The following TBC1D1 variants were observed in gnomAD, a reference collection of about 807,000 sequenced individuals.
TBC1D1 encodes the protein TBC1 (tre-2/USP6, BUB2, cdc16) domain family, member 1.
A neutral mutation model predicts 125.6 loss-of-function variants in TBC1D1; 89 were observed. The ratio of observed to expected loss-of-function variants is 0.71; its 90% CI spans 0.60 to 0.85. TBC1D1 has a LOEUF of 0.85. Ranked by LOEUF, TBC1D1 falls within the 40% of genes least tolerant of loss-of-function variation. The pLI, the probability that TBC1D1 is intolerant of heterozygous loss-of-function variation, is 0.00. For missense variants in TBC1D1, 1,377 were observed against 1,469.2 expected (o/e 0.94, Z 1.03); for synonymous variants, 565 against 564.1 (o/e 1.00, Z -0.02).
At chr4:38,012,102 G>A (rs1741627943) in intron 2 of TBC1D1, among the ~76,000 whole-genome samples, 2 of 152,172 alleles carry the variant, frequency 1.3e-5, no homozygotes, top group African/African-American at 4.8e-5. Flanking sequence ...TTCAGAGTGG[G>A]GTTAGTAATT....
chr4:38,074,908 G>A (rs184317197), intron 12 of TBC1D1, among the ~76,000 whole-genome samples: 72 of 151,996 alleles, frequency 4.7e-4, no homozygotes, highest in Non-Finnish European at 1.6e-4. Flanking sequence ...TTGCAGGCAC[G>A]CGCCACCATA....
chr4:37,926,700 A>G (rs1157902307), intron 2 of TBC1D1, among the ~76,000 whole-genome samples: 1 of 152,226 alleles, frequency 6.6e-6, no homozygotes, highest in Non-Finnish European at 1.5e-5. Flanking sequence ...GGACGTGGAC[A>G]TCGGTCCTGC....
intron 8 of TBC1D1, among the ~76,000 whole-genome samples, chr4:38,043,560 G>C (rs1047301021): frequency 1.4e-5 from 2 of 147,546 alleles, no homozygotes; most frequent in Non-Finnish European, 3.0e-5. Flanking sequence ...TCCAGCCTGG[G>C]CAACAAAGTG....
intron 11 of TBC1D1, 110 bp downstream of exon 12, chr4:38,052,170 TG>T: frequency 7.7e-6 from 2 of 258,794 alleles, no homozygotes; most frequent in Non-Finnish European, 5.9e-6. Flanking sequence ...AGAGCCACTG[TG>T]TGTGTGTGTG....
intron 12 of TBC1D1, among the ~76,000 whole-genome samples, chr4:38,081,246 A>G (rs1756493899): frequency 2.6e-5 from 4 of 152,078 alleles, no homozygotes; most frequent in South Asian, 2.1e-4. Context: ...TCAGGGCGCC[A>G]TGGTGCTATA....
At chr4:38,111,292 C>T (rs1762160462) in intron 15 of TBC1D1, among the ~76,000 whole-genome samples, 1 of 152,210 alleles carries the variant, frequency 6.6e-6, no homozygotes, top group Non-Finnish European at 1.5e-5. Context: ...GTCGTGTTAG[C>T]CTAGAACAGC....
chr4:37,922,180 C>A (rs768204497), intron 2 of TBC1D1, among the ~76,000 whole-genome samples: 4 of 152,098 alleles, frequency 2.6e-5, no homozygotes, highest in African/African-American at 9.7e-5. Flanking sequence ...AATACTTTCA[C>A]GTATCACTTT....
intron 12 of TBC1D1, among the ~76,000 whole-genome samples, chr4:38,079,212 T>G (rs1317163163): frequency 6.6e-6 from 1 of 152,154 alleles, no homozygotes; most frequent in African/African-American, 2.4e-5. Flanking sequence ...ATTTTTCTGT[T>G]TATGTTAGGT....
intron 2 of TBC1D1, among the ~76,000 whole-genome samples, chr4:37,996,642 T>G (rs1197065104): frequency 6.6e-6 from 1 of 152,272 alleles, no homozygotes; most frequent in Non-Finnish European, 1.5e-5. Context: ...ATTTTAAAAT[T>G]GTAAATAATT....
chr4:38,094,005 G>A (rs1758892575), intron 13 of TBC1D1, among the ~76,000 whole-genome samples: 1 of 152,160 alleles, frequency 6.6e-6, no homozygotes, highest in African/African-American at 2.4e-5. Context: ...ATTAAATTTT[G>A]AATTACAGTT....
At chr4:38,116,781 C>T (rs1763056533) in intron 16 of TBC1D1, among the ~76,000 whole-genome samples, 1 of 152,208 alleles carries the variant, frequency 6.6e-6, no homozygotes, top group African/African-American at 2.4e-5. Flanking sequence ...AATGTTGCAG[C>T]ACATGTTGAT....
chr4:37,983,382 G>C (rs775598247), intron 2 of TBC1D1, among the ~76,000 whole-genome samples: 1 of 152,006 alleles, frequency 6.6e-6, no homozygotes, highest in Non-Finnish European at 1.5e-5. Context: ...CAAAGTGCTG[G>C]GATTATAGGC....
At chr4:38,128,049 G>GT (rs1764952889) in intron 18 of TBC1D1, among the ~76,000 whole-genome samples, 1 of 152,210 alleles carries the variant, frequency 6.6e-6, no homozygotes, top group African/African-American at 2.4e-5. Flanking sequence ...ACTGTGCAGC[G>GT]TGATGGGCTT....
intron 2 of TBC1D1, among the ~76,000 whole-genome samples, chr4:37,955,095 C>G (rs1017376801): frequency 6.6e-6 from 1 of 152,076 alleles, no homozygotes. Context: ...GTAGAACTAT[C>G]TCATCTTTCT....
At chr4:37,958,937 T>C (rs1729431618) in intron 2 of TBC1D1, among the ~76,000 whole-genome samples, 1 of 152,306 alleles carries the variant, frequency 6.6e-6, no homozygotes, top group Non-Finnish European at 1.5e-5. Flanking sequence ...TGGCACATCA[T>C]ATATTTACAT....
chr4:38,054,004 A>T (rs1294892143), intron 11 of TBC1D1, among the ~76,000 whole-genome samples, 195 bp from the exon 14 acceptor site: 1 of 152,238 alleles, frequency 6.6e-6, no homozygotes, highest in Non-Finnish European at 1.5e-5. Context: ...TTCTCTTTTC[A>T]TGAAAAGAAT....
chr4:38,112,246 G>A lies in TBC1D1; in HGVS notation c.2558-3464G>A, dbSNP rs1057033403. The A allele has an allele frequency of 5.5e-5, 14 of 254,504 alleles. No individual in the cohort carries two copies. The East Asian group carries it at 1.1e-3, about 19-fold the overall frequency. 15.8% of individuals were successfully genotyped at this position (254,504 alleles called of 1,614,324 possible). ...CTTTGTGAAAATTAGTTGCTTGGACGAAACTTTTCTTTGCCTCTGGAAGGC... is the reference window on the plus strand; with the variant it reads ...CTTTGTGAAAATTAGTTGCTTGGACAAAACTTTTCTTTGCCTCTGGAAGGC... On this transcript the variant is annotated intron_variant, in intron 15 of 19. Transcript: ENST00000261439.
intron 1 of TBC1D1, among the ~76,000 whole-genome samples, chr4:37,899,608 A>G (rs1230465285): frequency 6.6e-6 from 1 of 151,774 alleles, no homozygotes; most frequent in Admixed American, 6.6e-5. Flanking sequence ...TAAATGAGAC[A>G]ACATAGGCAA....
At chr4:38,059,796 G>C (rs1289482351) in intron 12 of TBC1D1, among the ~76,000 whole-genome samples, 2 of 152,298 alleles carry the variant, frequency 1.3e-5, no homozygotes, top group Middle Eastern at 3.4e-3. Flanking sequence ...CGTGTGCCAT[G>C]GTGGTTTGCT....
Sources: gnomAD v4.1 joint callset for allele counts (sites outside exome capture counted in the v4.1 genomes callset) on GRCh38, gnomAD v4.1.1 for gene constraint, MANE v1.5 for transcripts, NCBI Gene and HGNC (gene_info 2026-07-23, HGNC 2026-07-21) for gene names.